The following ACTL8 variants were observed in gnomAD, a reference collection of about 807,000 sequenced individuals.
ACTL8 encodes actin-like protein 8.
ACTL8 carries 3 observed loss-of-function variants against 9.3 expected under a neutral mutation model. The observed-to-expected ratio is 0.32, with a 90% CI of 0.15 to 0.83. The LOEUF (loss-of-function observed/expected upper bound fraction) is 0.83, where lower values mean the gene tolerates loss of function less well. Among genes scored for constraint, ACTL8 ranks in the 40% least tolerant of loss-of-function variants. The pLI is 0.57. For missense variants in ACTL8, 381 were observed against 492.2 expected, an observed-to-expected ratio of 0.77 and a Z score of 2.14; for synonymous variants, 224 against 205.9, an observed-to-expected ratio of 1.09 and a Z score of -0.75.
chr1:17,768,360 G>A (rs997263255), intron 1 of ACTL8, among the ~76,000 whole-genome samples: 3 of 152,230 alleles, frequency 2.0e-5, no homozygotes, highest in Admixed American at 6.5e-5. Flanking sequence ...GCAGTGTGCA[G>A]GGCTCATGTT....
intron 1 of ACTL8, among the ~76,000 whole-genome samples, chr1:17,793,595 C>T (rs2102688944): frequency 6.6e-6 from 1 of 152,286 alleles, no homozygotes; most frequent in Middle Eastern, 3.4e-3. Context: ...ACTCTAAACC[C>T]TTCCCCTACA....
chr1:17,805,134 A>G (rs774710615), intron 1 of ACTL8, among the ~76,000 whole-genome samples: 6 of 152,002 alleles, frequency 3.9e-5, no homozygotes, highest in Non-Finnish European at 7.4e-5. Flanking sequence ...CCTTCCAGCC[A>G]CACGGGGAAG....
Position 17,823,652 on chromosome 1 carries a change from C to T in ACTL8, c.348+296C>T, listed in dbSNP as rs1034714664. On this transcript the variant is annotated intron_variant, in intron 2 of 2. Coordinates refer to ENST00000375406, the MANE Select transcript of ACTL8 (RefSeq NM_030812.3). This position sits in a 1 kb window ranked among gnomAD's most constrained non-coding sequence, Gnocchi z 5.3. The stretch of plus-strand genomic sequence containing the variant: ...CTGAGGTGGGAGGATCAGTTGAGCC[C>T]GGGAGGTCGAGAATAGAGTGAGCTG... 5.9e-4 allele frequency among the ~76,000 whole-genome samples: 90 copies of T among 151,936 alleles called. No homozygotes were observed. Among genetic ancestry groups the T allele is most frequent in the African/African-American group, 2.1e-3 (86 of 41,364 alleles).
Position 17,823,369 on chromosome 1 carries a change from G to A in ACTL8, c.348+13G>A, listed in dbSNP as rs1036281377. 21 of 1,605,004 alleles carry A rather than the reference G, an allele frequency of 1.3e-5. No individual in the cohort carries two copies. The highest frequency in any genetic ancestry group is 1.7e-4 in the Middle Eastern group (1 of 6,044). On this transcript the variant is annotated intron_variant, in intron 2 of 2. Transcript: ENST00000375406. The surrounding 1 kb of genome is among the most constrained non-coding windows in gnomAD (Gnocchi z 5.3). ...GAAGATGCTGGAGGTGAGGCCTGCC[G>A]GGGCCTGCTCCCACTCGGGAGCGGG...
intron 1 of ACTL8, among the ~76,000 whole-genome samples, chr1:17,810,555 C>T (rs899347982): frequency 2.6e-5 from 4 of 152,172 alleles, no homozygotes; most frequent in Admixed American, 6.5e-5. Context: ...TGGCGAGACT[C>T]GCTTTTTTTG....
intron 1 of ACTL8, among the ~76,000 whole-genome samples, chr1:17,812,584 C>T (rs1375553315): frequency 1.4e-5 from 2 of 144,454 alleles, no homozygotes; most frequent in African/African-American, 5.0e-5. Flanking sequence ...CGTACGCCAC[C>T]ACGCCCTGTC....
At chr1:17,807,997 A>G (rs948623632) in intron 1 of ACTL8, among the ~76,000 whole-genome samples, 3 of 152,202 alleles carry the variant, frequency 2.0e-5, no homozygotes, top group South Asian at 2.1e-4. Context: ...TATAATAATA[A>G]AAGTATGCCA....
At chr1:17,785,614 G>GT (rs1227304309) in intron 1 of ACTL8, among the ~76,000 whole-genome samples, 1 of 152,204 alleles carries the variant, frequency 6.6e-6, no homozygotes, top group Non-Finnish European at 1.5e-5. Flanking sequence ...AGGGATGCTT[G>GT]TAGGGTCCTT....
intron 1 of ACTL8, among the ~76,000 whole-genome samples, chr1:17,771,143 G>A (rs892714956): frequency 3.3e-5 from 5 of 152,136 alleles, no homozygotes; most frequent in Admixed American, 2.6e-4. Flanking sequence ...GGTCTCTGTC[G>A]GACGCTGCAA....
intron 1 of ACTL8, among the ~76,000 whole-genome samples, chr1:17,771,419 G>C (rs2066082452): frequency 6.6e-6 from 1 of 152,036 alleles, no homozygotes; most frequent in Non-Finnish European, 1.5e-5. Context: ...ATAGAATAAT[G>C]CCTATTATGT....
At chr1:17,765,820 C>T (rs2066040488) in intron 1 of ACTL8, among the ~76,000 whole-genome samples, 2 of 152,340 alleles carry the variant, frequency 1.3e-5, no homozygotes, top group South Asian at 4.1e-4. Flanking sequence ...ACCAGGCTTT[C>T]CTGCCTGCCT....
At chr1:17,792,245 G>C (rs1001495157) in intron 1 of ACTL8, among the ~76,000 whole-genome samples, 1 of 152,190 alleles carries the variant, frequency 6.6e-6, no homozygotes, top group African/African-American at 2.4e-5. Flanking sequence ...CAGTCATCCC[G>C]ACTCTGACCT....
chr1:17,822,653 G>A (rs1367626549), intron 1 of ACTL8, among the ~76,000 whole-genome samples: 1 of 152,184 alleles, frequency 6.6e-6, no homozygotes, highest in Non-Finnish European at 1.5e-5. Flanking sequence ...TCTGCCAAGA[G>A]TAATCCAACC....
At chr1:17,790,936 G>GCTTGGC (rs2066234317) in intron 1 of ACTL8, among the ~76,000 whole-genome samples, 1 of 152,210 alleles carries the variant, frequency 6.6e-6, no homozygotes, top group South Asian at 2.1e-4. Context: ...CAGGGCCTGG[G>GCTTGGC]CTTGGCCTTG....
At chr1:17,755,987 G>A (rs7519970) in intron 1 of ACTL8, among the ~76,000 whole-genome samples, 2,406 of 152,214 alleles carry the variant, frequency 0.016, 60 homozygotes, top group African/African-American at 0.054. Context: ...GCCCTGGGAG[G>A]GCTCTTTTTT....
chr1:17,795,191 C>A (rs2066268107), intron 1 of ACTL8, among the ~76,000 whole-genome samples: 1 of 152,228 alleles, frequency 6.6e-6, no homozygotes, highest in Non-Finnish European at 1.5e-5. Flanking sequence ...TGTCCAGAGT[C>A]ACTGTCGTTT....
At chr1:17,801,482 G>A (rs1219805765) in intron 1 of ACTL8, among the ~76,000 whole-genome samples, 1 of 151,948 alleles carries the variant, frequency 6.6e-6, no homozygotes, top group African/African-American at 2.4e-5. Context: ...TCCATTGTAA[G>A]TCTGAGATAG....
chr1:17,826,698 C>T lies in ACTL8; in HGVS notation c.*179C>T. On this transcript the variant is annotated 3_prime_UTR_variant, in exon 3 of 3. Transcript: ENST00000375406. This position sits in a 1 kb window ranked among gnomAD's most constrained non-coding sequence, Gnocchi z 4.5. Reference sequence around the variant, plus strand: ...GTTTTATCTTGTTGCAAGAGTGGGACCTACCCAAGGGGGAAGACAAGATGT... The same window carrying T: ...GTTTTATCTTGTTGCAAGAGTGGGATCTACCCAAGGGGGAAGACAAGATGT... The T allele has an allele frequency of 1.7e-6, 1 of 575,400 alleles. No individual in the cohort carries two copies. Among genetic ancestry groups the T allele is most frequent in the Non-Finnish European group, 2.8e-6 (1 of 362,460 alleles). 35.6% of individuals were successfully genotyped at this position (575,400 alleles called of 1,614,324 possible). A position where few individuals can be genotyped will look rare whatever the true frequency, so the allele number is the denominator to read the frequency against.
At position 17,826,658 on chromosome 1, in the gene ACTL8, T is replaced by C. The variant is rs1352700173; in HGVS notation, c.*139T>C. ...TGGAATTCTAGGGGCATGAGGGTAT[T>C]TTTTAGGTTCTAAGGTTTTATCTTG... is the stretch of plus-strand genomic sequence containing the variant. On this transcript the variant is annotated 3_prime_UTR_variant, in exon 3 of 3. Transcript: ENST00000375406. This position sits in a 1 kb window ranked among gnomAD's most constrained non-coding sequence, Gnocchi z 4.5. The C allele has an allele frequency of 2.3e-6, 2 of 853,124 alleles. No individual in the cohort carries two copies. Among genetic ancestry groups the C allele is most frequent in the African/African-American group, 3.4e-5 (2 of 59,046 alleles). The allele number at this position is 853,124 out of a possible 1,614,324, so 52.8% of individuals were successfully genotyped here. A position where few individuals can be genotyped will look rare whatever the true frequency, so the allele number is the denominator to read the frequency against.
Sources: allele counts gnomAD v4.1 joint callset (sites outside exome capture counted in the v4.1 genomes callset), GRCh38; gene constraint gnomAD v4.1.1; non-coding constraint Gnocchi (gnomAD v3.1); transcripts MANE v1.5; gene names NCBI Gene and HGNC (gene_info 2026-07-23, HGNC 2026-07-21).